The following TPM4 variants were observed in gnomAD, a reference collection of about 807,000 sequenced individuals.
The protein encoded by TPM4 is tropomyosin 4.
TPM4 carries 17 observed loss-of-function variants against 35.8 expected under a neutral mutation model. That is an observed-to-expected ratio of 0.47 (90% CI 0.32 to 0.71). The LOEUF is 0.71. TPM4 is among the 30% of genes least tolerant of loss of function. The probability of loss-of-function intolerance (pLI) is 0.03; values close to 1 mark genes in which losing one functional copy is unlikely to be tolerated. For synonymous variants in TPM4, 120 were observed against 122.9 expected, an observed-to-expected ratio of 0.98 and a Z score of 0.15; for missense variants, 240 against 320.9, an observed-to-expected ratio of 0.75 and a Z score of 1.93.
chr19:16,081,297 T>C (rs368778215), intron 1 of TPM4: 2 of 385,702 alleles, frequency 5.2e-6, no homozygotes, highest in African/African-American at 4.1e-5. Flanking sequence ...GTTGGGTCTA[T>C]TGTGTTGCTG....
At chr19:16,099,054 T>A (rs2090733992) in intron 7 of TPM4, among the ~76,000 whole-genome samples, 1 of 144,978 alleles carries the variant, frequency 6.9e-6, no homozygotes, top group African/African-American at 2.6e-5. Context: ...TCCTCCCAGG[T>A]CATAGTCACT....
At chr19:16,077,292 G>GC (rs1263170358) in intron 1 of TPM4, 2 of 151,950 alleles carry the variant, frequency 1.3e-5, no homozygotes, top group Non-Finnish European at 2.9e-5. Context: ...GGGGATGGGG[G>GC]GTGGAGGAAG....
chr19:16,070,780 A>G lies in TPM4; in HGVS notation c.114+3042A>G, dbSNP rs151000752. 3.4e-3 allele frequency among the ~76,000 whole-genome samples: 511 copies of G among 151,198 alleles called. 6 individuals are homozygous for G. The highest frequency in any genetic ancestry group is 0.012 in the African/African-American group (480 of 41,112). On this transcript the variant is annotated intron_variant, in intron 2 of 2. Coordinates refer to the TPM4 transcript ENST00000589897. The surrounding 1 kb of genome is among the most constrained non-coding windows in gnomAD (Gnocchi z 7.4). Reference sequence around the variant, plus strand: ...CCCCGTGCCCCAGGGCTGCCCTAAGAGTATGTGGCACATTCGTGCAGGCCA... The same window carrying G: ...CCCCGTGCCCCAGGGCTGCCCTAAGGGTATGTGGCACATTCGTGCAGGCCA...
At chr19:16,096,660 TC>T (rs564676256) in intron 7 of TPM4, among the ~76,000 whole-genome samples, 77 of 152,120 alleles carry the variant, frequency 5.1e-4, no homozygotes, top group Non-Finnish European at 1.1e-3. Context: ...GGGAGGAAGT[TC>T]ACCTCCACGC....
chr19:16,095,742 A>C (rs1296836424), intron 7 of TPM4: 1 of 323,148 alleles, frequency 3.1e-6, no homozygotes, highest in Admixed American at 6.4e-5. Flanking sequence ...TCTGCATGCC[A>C]ATAATTTTTT....
intron 2 of TPM4, among the ~76,000 whole-genome samples, chr19:16,068,764 T>C (rs951166725): frequency 6.6e-6 from 1 of 152,150 alleles, no homozygotes; most frequent in African/African-American, 2.4e-5. Flanking sequence ...TGTGTGTGTG[T>C]GAGTGTATCT....
rs911922151 is a variant in TPM4, at chr19:16,102,515, C to G, written c.*1169C>G. On this transcript the variant is annotated 3_prime_UTR_variant, in exon 8 of 8. Transcript: ENST00000643579. Reference sequence around the variant, plus strand: ...TTATCTATTAGCAGAAAGGGCCTCTCTGGCAGCAGAGATTAAAAACTGGCC... The same window carrying G: ...TTATCTATTAGCAGAAAGGGCCTCTGTGGCAGCAGAGATTAAAAACTGGCC... 41 of 226,334 alleles carry G rather than the reference C, an allele frequency of 1.8e-4. No homozygotes were observed. Among genetic ancestry groups the G allele is most frequent in the Admixed American group, 2.9e-4 (5 of 17,516 alleles). 14.0% of individuals were successfully genotyped at this position (226,334 alleles called of 1,614,324 possible).
In TPM4 at chr19:16,088,068, G is replaced by A. The variant is rs2090580640; in HGVS notation, c.426G>A (p.Arg142=). The A allele has an allele frequency of 6.2e-7, 1 of 1,612,666 alleles. No homozygotes were observed. The highest frequency in any genetic ancestry group is 1.1e-5 in the South Asian group (1 of 90,612). ...TCATCCTGGAGGGTGAGCTGGAGAGGGCAGAGGAGCGTGCGGAGGTGTCTG... is the reference window on the plus strand; with the variant it reads ...TCATCCTGGAGGGTGAGCTGGAGAGAGCAGAGGAGCGTGCGGAGGTGTCTG... ...KLVILEGELE[R]AEERAEVSEL... Residue 142 remains arginine, a synonymous_variant, in exon 4 of 8, where the codon AGG becomes AGA. Transcript: ENST00000643579.
chr19:16,095,334 G>T, intron 7 of TPM4: 2 of 1,038,746 alleles, frequency 1.9e-6, no homozygotes, highest in South Asian at 8.8e-5. Context: ...TCAACGACAT[G>T]ACCTCTCTCT....
At chr19:16,100,001 C>A (rs2090746542) in intron 7 of TPM4, 1 of 152,184 alleles carries the variant, frequency 6.6e-6, no homozygotes, top group South Asian at 2.1e-4. Flanking sequence ...TTAGATTTAA[C>A]TATCAAAGGC....
At chr19:16,068,829 G>A (rs527312138) in intron 2 of TPM4, among the ~76,000 whole-genome samples, 5 of 152,286 alleles carry the variant, frequency 3.3e-5, no homozygotes, top group South Asian at 2.1e-4. Context: ...TCTGTTTTAC[G>A]TGTCTATCTG....
intron 7 of TPM4, among the ~76,000 whole-genome samples, chr19:16,098,082 T>C (rs909827170): frequency 2.0e-5 from 3 of 152,178 alleles, no homozygotes; most frequent in Admixed American, 2.0e-4. Flanking sequence ...CTCCACCCTT[T>C]GAAGTAACTA....
chr19:16,072,440 T>C (rs2090364499), upstream of TPM4, among the ~76,000 whole-genome samples: 1 of 152,142 alleles, frequency 6.6e-6, no homozygotes, highest in South Asian at 2.1e-4. Context: ...GCCCTCCCAG[T>C]GAAAAGTAGA....
At chr19:16,093,864 T>C in intron 7 of TPM4, 111 bp downstream of exon 7, 1 of 1,200,340 alleles carries the variant, frequency 8.3e-7, no homozygotes, top group South Asian at 1.3e-5. Flanking sequence ...TTGTTTGCCT[T>C]AGGAAAGTAA....
intron 7 of TPM4, among the ~76,000 whole-genome samples, chr19:16,094,241 T>G (rs2090666601): frequency 6.6e-6 from 1 of 151,868 alleles, no homozygotes; most frequent in African/African-American, 2.4e-5. Context: ...AATAATAAAT[T>G]AAAAATCTCA....
At chr19:16,088,514 G>A in intron 4 of TPM4, 1 of 1,052,984 alleles carries the variant, frequency 9.5e-7, no homozygotes, top group African/African-American at 1.7e-5. Context: ...TGGCGGGAAG[G>A]TGAGAAGCTT....
upstream of TPM4, among the ~76,000 whole-genome samples, chr19:16,071,952 G>C (rs572759643): frequency 3.3e-4 from 50 of 152,346 alleles, no homozygotes; most frequent in African/African-American, 1.2e-3. Context: ...GGCTCACAGA[G>C]GGACAATGAC....
At chr19:16,071,035 T>C (rs893197513) in intron 2 of TPM4, among the ~76,000 whole-genome samples, 1 of 152,174 alleles carries the variant, frequency 6.6e-6, no homozygotes, top group Non-Finnish European at 1.5e-5. Flanking sequence ...GGAAGAATCC[T>C]CAAAGCCTCC....
In TPM4 at chr19:16,067,598, C is replaced by G; in HGVS notation, c.-27C>G. ...GCCCCCACAGAGCCCGCCGCGCACC[C>G]CACGTCCCCCACGCCAGCGCCCAGC... On this transcript the variant is annotated 5_prime_UTR_variant, in exon 2 of 3. Coordinates refer to the TPM4 transcript ENST00000589897. The surrounding 1 kb of genome is among the most constrained non-coding windows in gnomAD (Gnocchi z 4.1). 2 of 1,606,044 alleles carry G rather than the reference C, an allele frequency of 1.2e-6. No homozygotes were observed. Among genetic ancestry groups the G allele is most frequent in the Non-Finnish European group, 1.7e-6 (2 of 1,175,464 alleles).
Sources: allele counts gnomAD v4.1 joint callset (sites outside exome capture counted in the v4.1 genomes callset), GRCh38; gene constraint gnomAD v4.1.1; non-coding constraint Gnocchi (gnomAD v3.1); transcripts MANE v1.5; gene names NCBI Gene and HGNC (gene_info 2026-07-23, HGNC 2026-07-21).